CCSER2: variants seen among roughly 807,000 people sequenced by gnomAD.
CCSER2 encodes coiled-coil serine rich protein 2.
In CCSER2, 46 loss-of-function variants were observed where a neutral mutation model predicts 92.3. That is an observed-to-expected ratio of 0.50 (90% confidence interval 0.39 to 0.64). CCSER2 has a LOEUF of 0.64. Ranked by LOEUF, CCSER2 falls within the 30% of genes least tolerant of loss-of-function variation. The probability of loss-of-function intolerance (pLI) is 0.00; values close to 1 mark genes in which losing one functional copy is unlikely to be tolerated. For missense variants in CCSER2, 1,244 were observed against 1,238.9 expected (o/e 1.00, Z -0.06); for synonymous variants, 433 against 431.4 (o/e 1.00, Z -0.04).
At chr10:84,412,052 A>T (rs1589590215) in intron 3 of CCSER2, among the ~76,000 whole-genome samples, 1 of 152,142 alleles carries the variant, frequency 6.6e-6, no homozygotes, top group East Asian at 1.9e-4. Context: ...TCTTTTCTGC[A>T]TTTATTGAGA....
At chr10:84,453,138 T>A (rs965685362) in intron 6 of CCSER2, among the ~76,000 whole-genome samples, 1 of 150,102 alleles carries the variant, frequency 6.7e-6, no homozygotes, top group Non-Finnish European at 1.5e-5. Flanking sequence ...GGCTGTCCCA[T>A]GCATTTATTT....
intron 3 of CCSER2, chr10:84,391,383 C>T (rs538903489): frequency 1.4e-6 from 2 of 1,457,336 alleles, no homozygotes; most frequent in South Asian, 1.1e-5. Flanking sequence ...AACATCCTAA[C>T]ACTAATGCAT....
At chr10:84,440,051 A>T (rs74147563) in intron 6 of CCSER2, among the ~76,000 whole-genome samples, 11,765 of 152,262 alleles carry the variant, frequency 0.077, 509 homozygotes, top group Middle Eastern at 0.12. Flanking sequence ...ATCATGAAGC[A>T]TGACTAAATA....
intron 5 of CCSER2, among the ~76,000 whole-genome samples, chr10:84,428,500 G>A (rs1220692541): frequency 6.6e-6 from 1 of 152,140 alleles, no homozygotes; most frequent in Admixed American, 6.5e-5. Flanking sequence ...CTGGTCCCTG[G>A]TTAGGGGCTT....
At chr10:84,366,600 A>G (rs1184886083) in intron 1 of CCSER2, among the ~76,000 whole-genome samples, 2 of 152,218 alleles carry the variant, frequency 1.3e-5, no homozygotes, top group Non-Finnish European at 2.9e-5. Context: ...GACTTTGAGG[A>G]TAGAATCTTC....
intron 9 of CCSER2, among the ~76,000 whole-genome samples, chr10:84,497,070 C>T (rs1015476680): frequency 2.0e-5 from 3 of 152,060 alleles, no homozygotes; most frequent in African/African-American, 7.2e-5. Flanking sequence ...AGTAAGAGAG[C>T]TATTATTTTC....
At chr10:84,359,592 T>G (rs1004846857) in intron 1 of CCSER2, among the ~76,000 whole-genome samples, 1 of 152,092 alleles carries the variant, frequency 6.6e-6, no homozygotes, top group African/African-American at 2.4e-5. Flanking sequence ...AGTTAGAAGT[T>G]TATGATTTTG....
chr10:84,398,239 G>C (rs989923972), intron 3 of CCSER2, among the ~76,000 whole-genome samples: 2 of 152,070 alleles, frequency 1.3e-5, no homozygotes, highest in Non-Finnish European at 2.9e-5. Context: ...GCACCTCTTT[G>C]ACCATTCTCC....
intron 6 of CCSER2, among the ~76,000 whole-genome samples, chr10:84,441,198 C>CT (rs1377475360): frequency 1.3e-5 from 2 of 151,992 alleles, no homozygotes; most frequent in East Asian, 3.9e-4. Flanking sequence ...ATCTCCTTAC[C>CT]TTTTTATTTT....
At position 84,394,627 on chromosome 10, in the gene CCSER2, G is replaced by A. The variant is rs540149920; in HGVS notation, c.1614+20812G>A. The stretch of plus-strand genomic sequence containing the variant: ...GCTGAGTATAGGGTATGGGGTAGAG[G>A]GTAGTTAGAAATGACCCCAGGGAAA... On this transcript the variant is annotated intron_variant, in intron 3 of 9. Transcript: ENST00000372088. Among the ~76,000 whole-genome samples, 13 of 151,854 alleles carry A rather than the reference G, an allele frequency of 8.6e-5. No homozygotes were observed. In the South Asian group the frequency reaches 1.7e-3, roughly 19 times the overall value.
At chr10:84,457,662 T>TATA (rs1845847286) in intron 6 of CCSER2, among the ~76,000 whole-genome samples, 6 of 115,494 alleles carry the variant, frequency 5.2e-5, no homozygotes, top group Admixed American at 4.0e-4. Context: ...TATATTATTT[T>TATA]TAATTTTAGT....
At chr10:84,501,834 A>AAATATAT (rs1167460274) in intron 9 of CCSER2, among the ~76,000 whole-genome samples, 3 of 40,174 alleles carry the variant, frequency 7.5e-5, no homozygotes, top group African/African-American at 9.4e-5. Flanking sequence ...AAAAAAAAAA[A>AAATATAT]ATATATATAT....
intron 7 of CCSER2, among the ~76,000 whole-genome samples, chr10:84,465,386 G>A (rs748616207): frequency 5.9e-5 from 8 of 136,032 alleles, no homozygotes; most frequent in East Asian, 2.3e-4. Context: ...ATGTAGTGGC[G>A]CAATCTCGGC....
intron 6 of CCSER2, among the ~76,000 whole-genome samples, chr10:84,448,887 C>T (rs1338852489): frequency 1.3e-5 from 2 of 152,056 alleles, no homozygotes; most frequent in African/African-American, 2.4e-5. Flanking sequence ...TGATATTCAT[C>T]TGTGTTTTGC....
At chr10:84,329,412 G>C (rs536242697) in intron 1 of CCSER2, among the ~76,000 whole-genome samples, 74 of 152,298 alleles carry the variant, frequency 4.9e-4, no homozygotes, top group Non-Finnish European at 1.0e-3. Flanking sequence ...TTCCATTTCA[G>C]TAATTGCATA....
rs576803856 is a variant in CCSER2 at position 84,507,796 on chromosome 10, T to C, written c.2326-5653T>C. ...TCATTGGTGGGTACTACTTTGCCTT[T>C]TTTCATGTTCATTATGTTTCCCCCA... On this transcript the variant is annotated intron_variant, in intron 9 of 9. Transcript: ENST00000372088. 1.7e-3 allele frequency among the ~76,000 whole-genome samples: 264 copies of C among 152,296 alleles called. 1 individual carries two copies. The highest frequency in any genetic ancestry group is 6.1e-3 in the African/African-American group (254 of 41,564).
intron 1 of CCSER2, among the ~76,000 whole-genome samples, chr10:84,350,187 C>T (rs111465304): frequency 1.3e-4 from 20 of 152,222 alleles, no homozygotes; most frequent in African/African-American, 4.1e-4. Context: ...TACATCAGAT[C>T]GCATCACGCT....
intron 9 of CCSER2, among the ~76,000 whole-genome samples, chr10:84,487,435 A>G (rs938887411): frequency 6.6e-6 from 1 of 152,124 alleles, no homozygotes; most frequent in African/African-American, 2.4e-5. Context: ...AGTGGTTTGT[A>G]GTTCTCCTTG....
At chr10:84,437,148 CACAGAGAG>C (rs1225705671) in intron 5 of CCSER2, among the ~76,000 whole-genome samples, 6,871 of 143,264 alleles carry the variant, frequency 0.048, 217 homozygotes, top group East Asian at 0.17. Context: ...CACACACACA[CACAGAGAG>C]AGAGAGAGAG....
Sources: gnomAD v4.1 joint callset for allele counts (sites outside exome capture counted in the v4.1 genomes callset) on GRCh38, gnomAD v4.1.1 for gene constraint, MANE v1.5 for transcripts, NCBI Gene and HGNC (gene_info 2026-07-23, HGNC 2026-07-21) for gene names.